IL13RA1: variants seen among roughly 807,000 people sequenced by gnomAD.
IL13RA1 encodes interleukin-13 receptor subunit alpha-1.
In IL13RA1, 14 loss-of-function variants were observed where a neutral mutation model predicts 33.8. The ratio of observed to expected loss-of-function variants is 0.41; its 90% CI spans 0.27 to 0.65. The LOEUF (loss-of-function observed/expected upper bound fraction) is 0.65, where lower values mean the gene tolerates loss of function less well. Among genes scored for constraint, IL13RA1 ranks in the 30% least tolerant of loss-of-function variants. The pLI is 0.28. For missense variants in IL13RA1, 313 were observed against 327.0 expected (o/e 0.96, Z 0.33); for synonymous variants, 116 against 115.7 (o/e 1.00, Z -0.02).
intron 10 of IL13RA1, among the ~76,000 whole-genome samples, chrX:118,781,401 G>A (rs1440604764): frequency 9.0e-6 from 1 of 110,529 alleles, no homozygotes; most frequent in Non-Finnish European, 1.9e-5. Flanking sequence ...CACTCAGGCT[G>A]GAGTGCAGTG....
chrX:118,803,995 T>C, the IL13RA1 span, among the ~76,000 whole-genome samples: 1 of 103,338 alleles, frequency 9.7e-6, no homozygotes, highest in African/African-American at 3.5e-5. Flanking sequence ...TTGCTCTTGT[T>C]GCCCAGGCTG....
At chrX:118,769,948 C>G (rs1337408346) in intron 8 of IL13RA1, 1 of 196,347 alleles carries the variant, frequency 5.1e-6, no homozygotes, top group Non-Finnish European at 9.6e-6. Context: ...GCCTGGACCT[C>G]TATTACTCCT....
intron 4 of IL13RA1, among the ~76,000 whole-genome samples, chrX:118,752,828 G>C (rs1462174387): frequency 8.9e-6 from 1 of 112,276 alleles, no homozygotes; most frequent in Non-Finnish European, 1.9e-5. Flanking sequence ...TAAAAAGAGA[G>C]AAGGATTGAG....
chrX:118,782,818 T>C (rs1489099995), intron 10 of IL13RA1, among the ~76,000 whole-genome samples: 1 of 109,240 alleles, frequency 9.2e-6, no homozygotes, highest in Admixed American at 9.8e-5. Flanking sequence ...CCCAGGCTAG[T>C]CTCAAACTCC....
At chrX:118,755,527 G>A (rs1314969003) in intron 4 of IL13RA1, among the ~76,000 whole-genome samples, 1 of 111,298 alleles carries the variant, frequency 9.0e-6, no homozygotes, top group Non-Finnish European at 1.9e-5. Flanking sequence ...GCTGTTTTAG[G>A]TTAATGTTTC....
chrX:118,750,998 G>A lies in IL13RA1; in HGVS notation c.488+1220G>A, dbSNP rs1241458243. Among the ~76,000 whole-genome samples the A allele has an allele frequency of 6.3e-5, 7 of 110,956 alleles. No individual in the cohort carries two copies. In the Admixed American group the frequency reaches 6.8e-4, roughly 11 times the overall value. On this transcript the variant is annotated intron_variant, in intron 4 of 10. Coordinates refer to ENST00000371666, the MANE Select transcript of IL13RA1 (RefSeq NM_001560.3). Reference sequence around the variant, plus strand: ...ATTTTTGTATTTTTGGTAGAAACAGGGTTTCAACGTGTTGGCCAGGCTGGT... The same window carrying A: ...ATTTTTGTATTTTTGGTAGAAACAGAGTTTCAACGTGTTGGCCAGGCTGGT...
intron 10 of IL13RA1, among the ~76,000 whole-genome samples, chrX:118,787,694 G>A (rs1330757671): frequency 9.0e-6 from 1 of 111,416 alleles, no homozygotes; most frequent in Non-Finnish European, 1.9e-5. Flanking sequence ...CTTTTCCCAG[G>A]GCTGTTAATT....
At chrX:118,774,964 G>A (rs2017766044) in intron 9 of IL13RA1, among the ~76,000 whole-genome samples, 2 of 111,315 alleles carry the variant, frequency 1.8e-5, no homozygotes, top group South Asian at 7.5e-4. Flanking sequence ...TTACAGCAGT[G>A]AACAGGACAA....
At chrX:118,782,421 C>T (rs748382805) in intron 10 of IL13RA1, among the ~76,000 whole-genome samples, 8 of 111,494 alleles carry the variant, frequency 7.2e-5, no homozygotes, top group African/African-American at 2.6e-4. Context: ...GCGCTGCTTT[C>T]AGTCATCAAC....
At chrX:118,795,829 CTTA>C (rs1211272704), downstream of IL13RA1, among the ~76,000 whole-genome samples, 6 of 112,487 alleles carry the variant, frequency 5.3e-5, no homozygotes, top group East Asian at 8.4e-4. Context: ...ATGCTACTAA[CTTA>C]TTAGTAGTTT....
At chrX:118,768,151 T>C (rs1195199918) in intron 8 of IL13RA1, among the ~76,000 whole-genome samples, 1 of 112,307 alleles carries the variant, frequency 8.9e-6, no homozygotes, top group Non-Finnish European at 1.9e-5. Flanking sequence ...AAGAACTTTT[T>C]AAACAGCTGT....
intron 6 of IL13RA1, among the ~76,000 whole-genome samples, chrX:118,765,099 C>CT (rs1226087424): frequency 2.9e-4 from 31 of 107,531 alleles, no homozygotes; most frequent in African/African-American, 7.1e-4. Context: ...ATAGAACGTA[C>CT]TTTTTTTTTT....
Position 118,783,705 on chromosome X carries a change from A to G in IL13RA1, c.1191+7194A>G, listed in dbSNP as rs1481085068. Among the ~76,000 whole-genome samples, 3 of 109,928 alleles carry G rather than the reference A, an allele frequency of 2.7e-5. No individual in the cohort carries two copies. In the Admixed American group the frequency reaches 3.0e-4, roughly 11 times the overall value. ...ATGACCGGAAACAAAAGTAATTTTCAGGGTGCATTTTTAATAGTTATACAG... is the reference window on the plus strand; with the variant it reads ...ATGACCGGAAACAAAAGTAATTTTCGGGGTGCATTTTTAATAGTTATACAG... On this transcript the variant is annotated intron_variant, in intron 10 of 10. Transcript: ENST00000371666.
intron 1 of IL13RA1, among the ~76,000 whole-genome samples, chrX:118,729,789 C>T (rs780001250): frequency 1.8e-5 from 2 of 112,007 alleles, no homozygotes; most frequent in South Asian, 3.7e-4. Context: ...AGGCACAGTG[C>T]GACCAAGACC....
chrX:118,733,161 C>A (rs1055401959), intron 1 of IL13RA1, among the ~76,000 whole-genome samples: 1 of 111,944 alleles, frequency 8.9e-6, no homozygotes, highest in Non-Finnish European at 1.9e-5. Flanking sequence ...GGTATATACC[C>A]AGAAATGGAA....
In IL13RA1 at chrX:118,753,953, T is replaced by C. The variant is rs2017498070; in HGVS notation, c.489-4102T>C. Reference sequence around the variant, plus strand: ...CATTTTAATTTAAATCAATTAAAATTGAATCAAATTAAAACTTCAGTTGCA... The same window carrying C: ...CATTTTAATTTAAATCAATTAAAATCGAATCAAATTAAAACTTCAGTTGCA... On this transcript the variant is annotated intron_variant, in intron 4 of 10. Transcript: ENST00000371666. Among the ~76,000 whole-genome samples the C allele has an allele frequency of 5.3e-5, 6 of 112,823 alleles. No individual in the cohort carries two copies. The South Asian group carries it at 2.2e-3, about 41-fold the overall frequency.
intron 8 of IL13RA1, among the ~76,000 whole-genome samples, chrX:118,771,043 G>A (rs2017713603): frequency 8.9e-6 from 1 of 111,811 alleles, no homozygotes; most frequent in Non-Finnish European, 1.9e-5. Flanking sequence ...TCTGTTGCCT[G>A]GTGGCGGAGG....
rs2017855503 is a variant in IL13RA1, at chrX:118,782,496, T to G, written c.1191+5985T>G. On this transcript the variant is annotated intron_variant, in intron 10 of 10. Coordinates refer to ENST00000371666, the MANE Select transcript of IL13RA1 (RefSeq NM_001560.3). ...AAGGCAAGATGCATATTTAATCATT[T>G]CCCTTTATTTATCCATTAAGGTGAG... Among the ~76,000 whole-genome samples the G allele has an allele frequency of 7.1e-5, 8 of 112,327 alleles. No homozygotes were observed. In the South Asian group the frequency reaches 2.9e-3, roughly 41 times the overall value.
chrX:118,776,541 G>GTTTTTTTTTT (rs5903529), intron 10 of IL13RA1, 30 bp downstream of exon 10: 5 of 219,756 alleles, frequency 2.3e-5, no homozygotes, highest in Admixed American at 1.7e-4. Context: ...GGCTTGAAAT[G>GTTTTTTTTTT]TTTTTTTTTT....
Sources: gnomAD v4.1 joint callset for allele counts (sites outside exome capture counted in the v4.1 genomes callset) on GRCh38, gnomAD v4.1.1 for gene constraint, MANE v1.5 for transcripts, NCBI Gene and HGNC (gene_info 2026-07-23, HGNC 2026-07-21) for gene names.